Variants in HMCN1 observed in about 807,000 individuals in gnomAD.
The protein encoded by HMCN1 is hemicentin-1.
Under a neutral mutation model 625.9 loss-of-function variants are expected in HMCN1, and 321 were observed. That is an observed-to-expected ratio of 0.51 (90% CI 0.47 to 0.56). The LOEUF (loss-of-function observed/expected upper bound fraction) is 0.56, where lower values mean the gene tolerates loss of function less well. Ranked by LOEUF, HMCN1 falls within the 20% of genes least tolerant of loss-of-function variation. The pLI, the probability that HMCN1 is intolerant of heterozygous loss-of-function variation, is 0.00. For missense variants in HMCN1, 6,588 were observed against 6,887.3 expected, an observed-to-expected ratio of 0.96 and a Z score of 1.54; for synonymous variants, 2,425 against 2,417.6, an observed-to-expected ratio of 1.00 and a Z score of -0.09.
Position 186,103,474 on chromosome 1 carries a change from C to G in HMCN1, c.10576C>G (p.Pro3526Ala). The G allele has an allele frequency of 3.1e-6, 5 of 1,610,870 alleles. No individual in the cohort carries two copies. The highest frequency in any genetic ancestry group is 4.2e-6 in the Non-Finnish European group (5 of 1,177,178). Residue 3526 changes from proline (P) to alanine (A), a missense_variant and splice_region_variant, in exon 69 of 107, where the codon CCA becomes GCA. Coordinates refer to ENST00000271588, the MANE Select transcript of HMCN1 (RefSeq NM_031935.3). ...TATTTTTGATTCCCTTTAAATAGAA[C>G]CACCTCACATTAATGGATCTGAAGA... The part of the protein sequence containing the change: ...SKHFILKVLE[P>A]PHINGSEEHE...
At chr1:186,034,647 T>C (rs1655702283) in intron 36 of HMCN1, among the ~76,000 whole-genome samples, 1 of 152,166 alleles carries the variant, frequency 6.6e-6, no homozygotes, top group Non-Finnish European at 1.5e-5. Context: ...CTGTGATTAT[T>C]GGACTATTTG....
At chr1:185,970,585 T>G in intron 15 of HMCN1, 92 bp downstream of exon 15, 1 of 1,158,378 alleles carries the variant, frequency 8.6e-7, no homozygotes, top group Non-Finnish European at 1.3e-6. Context: ...GTAGAATTAT[T>G]CATCAGAATG....
intron 3 of HMCN1, 143 bp from the exon 4 acceptor site, chr1:185,865,589 ACACACACAC>A: frequency 7.9e-6 from 2 of 253,102 alleles, no homozygotes; most frequent in Non-Finnish European, 1.5e-5. Flanking sequence ...GCATACACAC[ACACACACAC>A]ACACACACAC....
intron 48 of HMCN1, among the ~76,000 whole-genome samples, chr1:186,063,839 T>C (rs1025617581): frequency 6.6e-6 from 1 of 152,212 alleles, no homozygotes; most frequent in Non-Finnish European, 1.5e-5. Flanking sequence ...TACCAGTAAA[T>C]TGATTTCTTG....
Position 186,120,027 on chromosome 1 carries a change from T to A in HMCN1, c.12111T>A (p.Val4037=), listed in dbSNP as rs770249155. The A allele has an allele frequency of 1.4e-5, 22 of 1,613,976 alleles. No individual in the cohort carries two copies. The South Asian group carries it at 2.3e-4, about 17-fold the overall frequency. Residue 4037 remains valine (V), a synonymous_variant, in exon 80 of 107, where the codon GTT becomes GTA. Transcript: ENST00000271588. ...ATGTTGTAGGCAGAAACCATGCAGT[T>A]CTTCCTAGTGGCGGCTTACAGATCT... The part of the protein sequence containing the change: ...NVNTSGRNHA[V]LPSGGLQISR...
At chr1:186,055,747 C>A in intron 45 of HMCN1, 73 bp downstream of exon 45, 1 of 1,387,696 alleles carries the variant, frequency 7.2e-7, no homozygotes, top group Non-Finnish European at 1.0e-6. Flanking sequence ...GAGATATAGG[C>A]CTCAAGTACT....
Position 186,132,425 on chromosome 1 carries a change from A to C in HMCN1, c.13312+16A>C. ...ACTCTGCAAAGTAAGCTGCTTAATGAAACTAATTAAACACTTGATTTAGGA... is the reference window on the plus strand; with the variant it reads ...ACTCTGCAAAGTAAGCTGCTTAATGCAACTAATTAAACACTTGATTTAGGA... On this transcript the variant is annotated intron_variant, in intron 86 of 106. Transcript: ENST00000271588. 6.4e-7 allele frequency: 1 copy of C among 1,560,086 alleles called. No individual in the cohort carries two copies. Among genetic ancestry groups the C allele is most frequent in the South Asian group, 1.1e-5 (1 of 88,218 alleles).
At chr1:186,149,715 T>C (rs1650553914) in intron 93 of HMCN1, among the ~76,000 whole-genome samples, 1 of 152,174 alleles carries the variant, frequency 6.6e-6, no homozygotes, top group Admixed American at 6.6e-5. Flanking sequence ...CATTTCCAGC[T>C]TTTGATTTAA....
At position 186,086,495 on chromosome 1, in the gene HMCN1, T is replaced by G. The variant is rs1393238068; in HGVS notation, c.9046+88T>G. On this transcript the variant is annotated intron_variant, in intron 58 of 106. Coordinates refer to ENST00000271588, the MANE Select transcript of HMCN1 (RefSeq NM_031935.3). Reference sequence around the variant, plus strand: ...ATTTCAAATTAGTGTATTTCCAAACTTTTGTCGTGCTTCATTTATTTATTC... The same window carrying G: ...ATTTCAAATTAGTGTATTTCCAAACGTTTGTCGTGCTTCATTTATTTATTC... 6 of 1,342,166 alleles carry G rather than the reference T, an allele frequency of 4.5e-6. No individual in the cohort carries two copies. The East Asian group carries it at 1.5e-4, about 33-fold the overall frequency. 83.1% of individuals were successfully genotyped at this position (1,342,166 alleles called of 1,614,324 possible). A position where few individuals can be genotyped will look rare whatever the true frequency, so the allele number is the denominator to read the frequency against.
In HMCN1 at chr1:186,000,117, T is replaced by C. The variant is rs1558130867; in HGVS notation, c.3947T>C (p.Ile1316Thr). Residue 1316 changes from isoleucine (I) to threonine (T), a missense_variant, in exon 26 of 107, where the codon ATC becomes ACC. Around this residue, in one of 3 missense-constraint regions of HMCN1, gnomAD observed 4,628 missense variants for 4,853.1 expected, o/e 0.95. Coordinates refer to ENST00000271588, the MANE Select transcript of HMCN1 (RefSeq NM_031935.3). ...ELTGREPGIS[I>T]LEDGTLLVIA... is the part of the protein sequence containing the mutation. ...ACAGGCAGAGAGCCTGGCATTTCTA[T>C]CTTGGAAGATGGCACATTGCTGGTT... The C allele has an allele frequency of 6.8e-6, 11 of 1,613,178 alleles. No individual in the cohort carries two copies. The highest frequency in any genetic ancestry group is 1.3e-5 in the African/African-American group (1 of 74,994).
At chr1:185,937,570 T>C (rs1667871447) in intron 11 of HMCN1, among the ~76,000 whole-genome samples, 1 of 152,080 alleles carries the variant, frequency 6.6e-6, no homozygotes, top group African/African-American at 2.4e-5. Context: ...AAGAACTGGC[T>C]AAGATAAAAG....
intron 1 of HMCN1, among the ~76,000 whole-genome samples, chr1:185,778,578 G>C (rs1330603289): frequency 6.9e-6 from 1 of 144,338 alleles, no homozygotes; most frequent in Non-Finnish European, 1.5e-5. Context: ...TCCCACCTAT[G>C]AGTGAGAATA....
intron 63 of HMCN1, among the ~76,000 whole-genome samples, chr1:186,089,043 C>T (rs1339301761): frequency 6.6e-6 from 1 of 151,846 alleles, no homozygotes; most frequent in African/African-American, 2.4e-5. Context: ...TGGAGTTATA[C>T]TTATTTTAAA....
At chr1:186,030,372 G>T (rs1655342167) in intron 36 of HMCN1, among the ~76,000 whole-genome samples, 2 of 151,960 alleles carry the variant, frequency 1.3e-5, no homozygotes, top group Non-Finnish European at 2.9e-5. Flanking sequence ...GGGATCTGTT[G>T]TTATGTACGT....
intron 68 of HMCN1, among the ~76,000 whole-genome samples, chr1:186,097,923 C>T (rs996781247): frequency 1.3e-5 from 2 of 152,232 alleles, no homozygotes; most frequent in Admixed American, 1.3e-4. Context: ...TGATTTTTGA[C>T]AAAGGTCCCA....
chr1:185,859,290 T>C (rs1662719754), intron 2 of HMCN1, among the ~76,000 whole-genome samples: 1 of 152,068 alleles, frequency 6.6e-6, no homozygotes, highest in African/African-American at 2.4e-5. Flanking sequence ...CATGAAAGAC[T>C]TAATCAAAGC....
chr1:185,935,848 T>C (rs368785080), intron 11 of HMCN1, among the ~76,000 whole-genome samples: 1 of 152,190 alleles, frequency 6.6e-6, no homozygotes, highest in Non-Finnish European at 1.5e-5. Flanking sequence ...ATAGAAAAGC[T>C]ATGGGTATTT....
At chr1:186,103,392 G>A in intron 68 of HMCN1, 80 bp from the exon 69 acceptor site, 2 of 1,137,632 alleles carry the variant, frequency 1.8e-6, no homozygotes, top group Non-Finnish European at 2.6e-6. Flanking sequence ...GTGAATTTGT[G>A]TTGGATTTTC....
intron 4 of HMCN1, among the ~76,000 whole-genome samples, chr1:185,902,382 T>C (rs1027053768): frequency 7.1e-6 from 1 of 140,646 alleles, no homozygotes; most frequent in Non-Finnish European, 1.5e-5. Flanking sequence ...GCTATGTCTC[T>C]ATCTATCTAT....
Sources: gnomAD v4.1 joint callset for allele counts (sites outside exome capture counted in the v4.1 genomes callset) on GRCh38, gnomAD v4.1.1 for gene constraint, gnomAD v4.1.1 regional missense constraint, MANE v1.5 for transcripts, NCBI Gene and HGNC (gene_info 2026-07-23, HGNC 2026-07-21) for gene names.